The following CLIP4 variants were observed in gnomAD, a reference collection of about 807,000 sequenced individuals.
CLIP4 encodes CAP-Gly domain containing linker protein family member 4.
CLIP4 carries 47 observed loss-of-function variants against 73.1 expected under a neutral mutation model. That is an observed-to-expected ratio of 0.64 (90% CI 0.51 to 0.82). CLIP4 has a LOEUF of 0.82. Among genes scored for constraint, CLIP4 ranks in the 40% least tolerant of loss-of-function variants. CLIP4 has a pLI of 0.00. For synonymous variants in CLIP4, 306 were observed against 295.4 expected, an observed-to-expected ratio of 1.04 and a Z score of -0.37; for missense variants, 874 against 852.9, an observed-to-expected ratio of 1.02 and a Z score of -0.31.
rs1010637282 is a variant in CLIP4, at chr2:29,180,423, G to A, written c.1797-1149G>A. Among the ~76,000 whole-genome samples, 6 of 152,272 alleles carry A rather than the reference G, an allele frequency of 3.9e-5. 1 individual carries two copies. Among genetic ancestry groups the A allele is most frequent in the South Asian group, 4.2e-4 (2 of 4,818 alleles). On this transcript the variant is annotated intron_variant, in intron 15 of 15. Coordinates refer to ENST00000320081, the MANE Select transcript of CLIP4 (RefSeq NM_024692.6). ...GTGGTGGTGGTGAGTGCTAGGAGAC[G>A]TTCTTGCACACTGTAAGGAATGTTA... is the stretch of plus-strand genomic sequence containing the variant.
At chr2:29,163,195 T>C (rs1432683741) in intron 12 of CLIP4, among the ~76,000 whole-genome samples, 1 of 152,082 alleles carries the variant, frequency 6.6e-6, no homozygotes, top group East Asian at 1.9e-4. Context: ...TCAGAGTAGG[T>C]CCTTTTAAAT....
At chr2:29,133,312 G>A (rs962558225) in intron 4 of CLIP4, among the ~76,000 whole-genome samples, 3 of 152,208 alleles carry the variant, frequency 2.0e-5, no homozygotes, top group African/African-American at 4.8e-5. Context: ...AGTGGTCCAC[G>A]GAACACGTTT....
At chr2:29,130,074 T>C (rs1664866373) in intron 2 of CLIP4, 2 of 469,944 alleles carry the variant, frequency 4.3e-6, no homozygotes, top group Non-Finnish European at 8.8e-6. Context: ...TTGTTCAGCA[T>C]AATTGGAGAG....
At chr2:29,175,205 G>T (rs937545287) in intron 15 of CLIP4, among the ~76,000 whole-genome samples, 1 of 152,132 alleles carries the variant, frequency 6.6e-6, no homozygotes, top group Admixed American at 6.5e-5. Context: ...TTTACCTTCT[G>T]GCATGAAGGT....
At chr2:29,123,190 C>T (rs1392280591) in intron 2 of CLIP4, among the ~76,000 whole-genome samples, 1 of 152,212 alleles carries the variant, frequency 6.6e-6, no homozygotes, top group African/African-American at 2.4e-5. Context: ...CCTTAGGCTA[C>T]ACATTTCTGT....
chr2:29,145,160 A>G, intron 7 of CLIP4, 72 bp from the exon 8 acceptor site: 3 of 1,341,648 alleles, frequency 2.2e-6, no homozygotes, highest in Non-Finnish European at 3.1e-6. Context: ...ATGGTGAAGT[A>G]AAGTTGCAAG....
At chr2:29,140,001 T>G (rs1665646126) in intron 6 of CLIP4, among the ~76,000 whole-genome samples, 2 of 152,076 alleles carry the variant, frequency 1.3e-5, no homozygotes, top group Non-Finnish European at 2.9e-5. Flanking sequence ...TTTTAGTTAT[T>G]TTTTTGACTA....
intron 9 of CLIP4, among the ~76,000 whole-genome samples, chr2:29,153,259 A>C (rs1286587925): frequency 6.6e-6 from 1 of 152,076 alleles, no homozygotes; most frequent in African/African-American, 2.4e-5. Context: ...TAGGTGAACT[A>C]TGGAAGTTCT....
chr2:29,153,528 T>G (rs1666721483), intron 9 of CLIP4, among the ~76,000 whole-genome samples: 1 of 152,216 alleles, frequency 6.6e-6, no homozygotes, highest in Non-Finnish European at 1.5e-5. Flanking sequence ...CAATTGTTAT[T>G]TGTTATCTTG....
At position 29,151,226 on chromosome 2, in the gene CLIP4, G is replaced by A. The variant is rs113043491; in HGVS notation, c.1022-1459G>A. 7.3e-3 allele frequency among the ~76,000 whole-genome samples: 1,115 copies of A among 152,104 alleles called. 9 individuals are homozygous for A. Among genetic ancestry groups the A allele is most frequent in the African/African-American group, 0.025 (1,047 of 41,494 alleles). ...TAGTATACAGATGAAACCTTGTAAC[G>A]TTTGTCATACCATTAAATATAATTA... On this transcript the variant is annotated intron_variant, in intron 8 of 15. Coordinates refer to ENST00000320081, the MANE Select transcript of CLIP4 (RefSeq NM_024692.6).
chr2:29,143,192 G>A (rs1196372098), intron 6 of CLIP4, among the ~76,000 whole-genome samples: 4 of 152,202 alleles, frequency 2.6e-5, no homozygotes, highest in African/African-American at 7.2e-5. Flanking sequence ...ATGCCTCTGC[G>A]GGCAGAATGC....
At chr2:29,141,260 G>C (rs570614314) in intron 6 of CLIP4, among the ~76,000 whole-genome samples, 3 of 152,266 alleles carry the variant, frequency 2.0e-5, no homozygotes, top group African/African-American at 7.2e-5. Flanking sequence ...CAATCTTTGA[G>C]TATGTTCCAT....
At chr2:29,138,047 C>T (rs1026827044) in intron 6 of CLIP4, among the ~76,000 whole-genome samples, 9 of 152,052 alleles carry the variant, frequency 5.9e-5, no homozygotes, top group Admixed American at 2.0e-4. Flanking sequence ...TTGTTGCCTT[C>T]GCTTTTGAGG....
chr2:29,124,704 CTAAT>C (rs1664486500), intron 2 of CLIP4, among the ~76,000 whole-genome samples: 2 of 151,950 alleles, frequency 1.3e-5, no homozygotes, highest in Admixed American at 1.3e-4. Flanking sequence ...TCTGCAGTGT[CTAAT>C]TAATTAGCTG....
At chr2:29,133,914 C>T in intron 5 of CLIP4, 98 bp downstream of exon 5, 1 of 1,080,760 alleles carries the variant, frequency 9.3e-7, no homozygotes, top group Non-Finnish European at 1.3e-6. Context: ...TCTAATCCAT[C>T]TTGTTTCATA....
Position 29,180,339 on chromosome 2 carries a change from A to G in CLIP4, c.1797-1233A>G, listed in dbSNP as rs117483586. On this transcript the variant is annotated intron_variant, in intron 15 of 15. Transcript: ENST00000320081. ...GGACAGTGCAGGCAGCTCTGGGGCA[A>G]TATAGCCTTGAGGCCTTGGATGAGT... 2.6e-3 allele frequency among the ~76,000 whole-genome samples: 403 copies of G among 152,336 alleles called. 6 individuals are homozygous for G. The East Asian group carries it at 0.053, about 20-fold the overall frequency.
At chr2:29,104,131 T>C (rs1423704582) in intron 1 of CLIP4, among the ~76,000 whole-genome samples, 1 of 152,204 alleles carries the variant, frequency 6.6e-6, no homozygotes, top group Non-Finnish European at 1.5e-5. Flanking sequence ...GGGTTTTAAT[T>C]GTGTTCTCTC....
chr2:29,145,429 T>C, intron 8 of CLIP4, 62 bp downstream of exon 8: 1 of 1,374,930 alleles, frequency 7.3e-7, no homozygotes, highest in East Asian at 2.3e-5. Context: ...TTTACTCTTT[T>C]ACAGTTGTTA....
In CLIP4 at chr2:29,121,538, T is replaced by C. The variant is rs750867009; in HGVS notation, c.133+17T>C. 5.0e-6 allele frequency: 8 copies of C among 1,610,836 alleles called. No homozygotes were observed. In the South Asian group the frequency reaches 7.8e-5, roughly 16 times the overall value. ...CAGACTGTGGTATGTGAAGTAGCTG[T>C]GCTTATTTTCTGTGAACTGGTAACT... On this transcript the variant is annotated intron_variant, in intron 2 of 15. Transcript: ENST00000320081.
Sources: gnomAD v4.1 joint callset for allele counts (sites outside exome capture counted in the v4.1 genomes callset) on GRCh38, gnomAD v4.1.1 for gene constraint, MANE v1.5 for transcripts, NCBI Gene and HGNC (gene_info 2026-07-23, HGNC 2026-07-21) for gene names.